SMOC1: variants seen among roughly 807,000 people sequenced by gnomAD.
The protein encoded by SMOC1 is SPARC-related modular calcium-binding protein 1.
In SMOC1, 22 loss-of-function variants were observed where a neutral mutation model predicts 56.3. The ratio of observed to expected loss-of-function variants is 0.39; its 90% CI spans 0.28 to 0.56. The LOEUF (loss-of-function observed/expected upper bound fraction) is 0.56, where lower values mean the gene tolerates loss of function less well. SMOC1 is among the 20% of genes least tolerant of loss of function. The pLI, the probability that SMOC1 is intolerant of heterozygous loss-of-function variation, is 0.61. For synonymous variants in SMOC1, 193 were observed against 215.0 expected (o/e 0.90, Z 0.89); for missense variants, 509 against 565.4 (o/e 0.90, Z 1.01).
At position 69,985,395 on chromosome 14, in the gene SMOC1, C is replaced by A. The variant is rs148184800; in HGVS notation, c.527-7022C>A. Among the ~76,000 whole-genome samples the A allele has an allele frequency of 2.1e-4, 32 of 152,230 alleles. 1 individual carries two copies. In the East Asian group the frequency reaches 6.2e-3, roughly 29 times the overall value. ...ATAATCCAGCAGTTGCACTCCTGAG[C>A]ATTTATTCCAGAGAAATGAAAATTT... On this transcript the variant is annotated intron_variant, in intron 5 of 11. Coordinates refer to ENST00000361956, the MANE Select transcript of SMOC1 (RefSeq NM_001034852.3).
intron 6 of SMOC1, among the ~76,000 whole-genome samples, 173 bp downstream of exon 6, chr14:69,992,646 C>A (rs951275624): frequency 1.3e-5 from 2 of 152,158 alleles, no homozygotes; most frequent in African/African-American, 4.8e-5. Flanking sequence ...GCAGATCCTC[C>A]CAGGAATTGG....
At position 69,934,196 on chromosome 14, in the gene SMOC1, A is replaced by G. The variant is rs536320930; in HGVS notation, c.100-17942A>G. Among the ~76,000 whole-genome samples, 234 of 152,242 alleles carry G rather than the reference A, an allele frequency of 1.5e-3. 1 individual carries two copies. Among genetic ancestry groups the G allele is most frequent in the African/African-American group, 5.4e-3 (223 of 41,534 alleles). On this transcript the variant is annotated intron_variant, in intron 1 of 11. Coordinates refer to ENST00000361956, the MANE Select transcript of SMOC1 (RefSeq NM_001034852.3). ...CTGCCTTGCATTTTCTGCCCAGTACAGAGGACCTTCCCAAGCAGCACCCCT... is the reference window on the plus strand; with the variant it reads ...CTGCCTTGCATTTTCTGCCCAGTACGGAGGACCTTCCCAAGCAGCACCCCT...
intron 1 of SMOC1, among the ~76,000 whole-genome samples, chr14:69,901,685 T>C (rs543258945): frequency 6.6e-6 from 1 of 152,376 alleles, no homozygotes; most frequent in Admixed American, 6.5e-5. Context: ...TGAAGAATTG[T>C]GCAAGTGCAT....
At chr14:69,935,381 C>T (rs1885269736) in intron 1 of SMOC1, among the ~76,000 whole-genome samples, 2 of 152,172 alleles carry the variant, frequency 1.3e-5, no homozygotes, top group African/African-American at 4.8e-5. Flanking sequence ...GTTTCTTATA[C>T]AAGACCAAAC....
intron 3 of SMOC1, among the ~76,000 whole-genome samples, chr14:69,963,850 C>G (rs891605940): frequency 4.6e-5 from 7 of 152,150 alleles, no homozygotes; most frequent in Non-Finnish European, 8.8e-5. Flanking sequence ...TAGGAAGTGA[C>G]CGGTCTAATC....
chr14:69,964,102 G>T (rs1363640471), intron 3 of SMOC1, among the ~76,000 whole-genome samples: 1 of 152,210 alleles, frequency 6.6e-6, no homozygotes, highest in Non-Finnish European at 1.5e-5. Flanking sequence ...CTTCAGATTG[G>T]CTGGCATCAT....
intron 1 of SMOC1, among the ~76,000 whole-genome samples, chr14:69,908,504 T>C (rs749722066): frequency 3.3e-5 from 5 of 151,844 alleles, no homozygotes; most frequent in Non-Finnish European, 7.4e-5. Flanking sequence ...TGCTGGAGGG[T>C]AGTGGGAACA....
chr14:69,976,124 G>T (rs1248937782), intron 4 of SMOC1, among the ~76,000 whole-genome samples: 1 of 152,188 alleles, frequency 6.6e-6, no homozygotes, highest in Non-Finnish European at 1.5e-5. Context: ...TGCTGATTCT[G>T]ATTGCTAGTG....
Position 69,991,107 on chromosome 14 carries a change from C to T in SMOC1, c.527-1310C>T, listed in dbSNP as rs146534004. ...TTGTTATTATTGATGATCTGACTGG[C>T]GTCACAGAGACTATCTGAGAACTTG... On this transcript the variant is annotated intron_variant, in intron 5 of 11. Transcript: ENST00000361956. Among the ~76,000 whole-genome samples the T allele has an allele frequency of 1.2e-3, 178 of 152,202 alleles. 1 individual carries two copies. The East Asian group carries it at 0.015, about 13-fold the overall frequency.
intron 1 of SMOC1, among the ~76,000 whole-genome samples, chr14:69,943,834 C>T (rs1255389693): frequency 2.0e-5 from 3 of 152,242 alleles, no homozygotes; most frequent in Non-Finnish European, 4.4e-5. Flanking sequence ...CTCTTCTGTT[C>T]TCCTGGGGGC....
chr14:69,879,880 C>T (rs1256240342), intron 1 of SMOC1, 103 bp downstream of exon 1: 2 of 1,039,094 alleles, frequency 1.9e-6, no homozygotes, highest in Non-Finnish European at 2.7e-6. Flanking sequence ...TGTCAGAGAC[C>T]TGTTGTCCTC....
chr14:69,926,047 AT>A (rs11432471), intron 1 of SMOC1, among the ~76,000 whole-genome samples: 3,782 of 147,140 alleles, frequency 0.026, 158 homozygotes, highest in African/African-American at 0.087. Flanking sequence ...ATCAGAAGCC[AT>A]TTTTTTTTTT....
intron 1 of SMOC1, among the ~76,000 whole-genome samples, chr14:69,920,716 G>T (rs910772596): frequency 3.9e-5 from 6 of 152,172 alleles, no homozygotes; most frequent in African/African-American, 1.4e-4. Context: ...ACTTTACGTG[G>T]GATAAGAGCT....
At chr14:69,884,852 G>A (rs1361194918) in intron 1 of SMOC1, among the ~76,000 whole-genome samples, 1 of 152,144 alleles carries the variant, frequency 6.6e-6, no homozygotes, top group Non-Finnish European at 1.5e-5. Context: ...TTATTTTGAA[G>A]TCATATAGTG....
At chr14:69,936,044 C>T (rs1885286873) in intron 1 of SMOC1, among the ~76,000 whole-genome samples, 1 of 152,200 alleles carries the variant, frequency 6.6e-6, no homozygotes, top group African/African-American at 2.4e-5. Context: ...TGTCCCTCCA[C>T]ATCCCTCCCC....
At chr14:70,015,835 T>C (rs1885489900) in intron 10 of SMOC1, among the ~76,000 whole-genome samples, 2 of 152,158 alleles carry the variant, frequency 1.3e-5, no homozygotes, top group Non-Finnish European at 2.9e-5. Flanking sequence ...TACTTGTGTT[T>C]AGAATATGAA....
intron 10 of SMOC1, among the ~76,000 whole-genome samples, chr14:70,019,011 G>A (rs1208527110): frequency 3.9e-5 from 6 of 152,232 alleles, no homozygotes; most frequent in South Asian, 2.1e-4. Flanking sequence ...AACTGGGCCC[G>A]AGATCTTGGC....
rs77935707 is a variant in SMOC1 at position 69,910,833 on chromosome 14, C to T, written c.99+31056C>T. On this transcript the variant is annotated intron_variant, in intron 1 of 11. Coordinates refer to ENST00000361956, the MANE Select transcript of SMOC1 (RefSeq NM_001034852.3). ...TATTCAGGACTTGAGGGTACGCTGT[C>T]CTCTGGGAGGCCATCAAGGATAGCT... 8.0e-3 allele frequency among the ~76,000 whole-genome samples: 1,214 copies of T among 152,246 alleles called. 18 individuals carry two copies. The highest frequency in any genetic ancestry group is 0.028 in the African/African-American group (1,163 of 41,530).
chr14:69,944,638 C>T (rs77961440), intron 1 of SMOC1, among the ~76,000 whole-genome samples: 2,561 of 152,084 alleles, frequency 0.017, 28 homozygotes, highest in Non-Finnish European at 0.027. Flanking sequence ...GGTAGCTGCC[C>T]GAAAAACTAG....
Sources: allele counts gnomAD v4.1 joint callset (sites outside exome capture counted in the v4.1 genomes callset), GRCh38; gene constraint gnomAD v4.1.1; transcripts MANE v1.5; gene names NCBI Gene and HGNC (gene_info 2026-07-23, HGNC 2026-07-21).